Variants in DNAJC1 observed in about 807,000 individuals in gnomAD.
DNAJC1 encodes DnaJ heat shock protein family (Hsp40) member C1, also known as dnaJ homolog subfamily C member 1.
DNAJC1 carries 58 observed loss-of-function variants against 76.6 expected under a neutral mutation model. The observed-to-expected ratio is 0.76, with a 90% CI of 0.61 to 0.94. The LOEUF (loss-of-function observed/expected upper bound fraction) is 0.94, where lower values mean the gene tolerates loss of function less well. DNAJC1 is among the 40% of genes least tolerant of loss of function. The pLI is 0.00. For synonymous variants in DNAJC1, 258 were observed against 267.9 expected (o/e 0.96, Z 0.36); for missense variants, 689 against 677.3 (o/e 1.02, Z -0.19).
At chr10:21,943,936 A>C (rs1038190400) in intron 1 of DNAJC1, among the ~76,000 whole-genome samples, 8 of 152,052 alleles carry the variant, frequency 5.3e-5, no homozygotes, top group Admixed American at 5.2e-4. Context: ...ATAGGCACCC[A>C]TATCTGTAAA....
intron 8 of DNAJC1, among the ~76,000 whole-genome samples, chr10:21,868,827 T>G (rs1343549974): frequency 1.3e-5 from 2 of 151,330 alleles, no homozygotes; most frequent in Admixed American, 1.3e-4. Context: ...GGAAGTTAGA[T>G]ATGCCTCATT....
intron 7 of DNAJC1, among the ~76,000 whole-genome samples, chr10:21,886,165 C>A (rs779744378): frequency 2.1e-4 from 32 of 152,066 alleles, no homozygotes; most frequent in Non-Finnish European, 8.8e-5. Context: ...ACTGACCCCA[C>A]AGAAGTAAAA....
chr10:21,950,196 T>C (rs906501815), intron 1 of DNAJC1, among the ~76,000 whole-genome samples: 4 of 152,164 alleles, frequency 2.6e-5, no homozygotes, highest in African/African-American at 9.7e-5. Context: ...ATCAAGTGTA[T>C]GGGTGCCATT....
intron 1 of DNAJC1, among the ~76,000 whole-genome samples, chr10:21,989,710 C>T (rs561108865): frequency 1.3e-5 from 2 of 152,284 alleles, no homozygotes; most frequent in South Asian, 4.1e-4. Flanking sequence ...CCCCACAGTC[C>T]AGACCAGGCC....
At chr10:21,918,955 G>T (rs1836997398) in intron 5 of DNAJC1, 83 bp from the exon 6 acceptor site, 1 of 928,638 alleles carries the variant, frequency 1.1e-6, no homozygotes, top group Non-Finnish European at 1.7e-6. Flanking sequence ...ATTCTATAAA[G>T]ATCATGAATT....
chr10:21,987,061 C>G (rs1341367983), intron 1 of DNAJC1, among the ~76,000 whole-genome samples: 1 of 152,198 alleles, frequency 6.6e-6, no homozygotes, highest in Admixed American at 6.5e-5. Flanking sequence ...CCACCACGCC[C>G]AGCCCAATGT....
At chr10:21,913,719 G>A (rs1836905538) in intron 6 of DNAJC1, among the ~76,000 whole-genome samples, 1 of 152,140 alleles carries the variant, frequency 6.6e-6, no homozygotes, top group African/African-American at 2.4e-5. Context: ...GATTCCAAGA[G>A]AATGTGTACT....
At chr10:21,807,578 T>C (rs533893349) in intron 8 of DNAJC1, among the ~76,000 whole-genome samples, 1 of 152,352 alleles carries the variant, frequency 6.6e-6, no homozygotes, top group Admixed American at 6.5e-5. Context: ...TTATTCACTT[T>C]GTTCTGCTAT....
chr10:21,925,907 T>TA (rs989681082), intron 3 of DNAJC1, among the ~76,000 whole-genome samples: 16 of 152,214 alleles, frequency 1.1e-4, no homozygotes, highest in African/African-American at 3.6e-4. Flanking sequence ...ACTGTACACT[T>TA]AAAACAGGTG....
chr10:21,956,163 A>G (rs989398553), intron 1 of DNAJC1, among the ~76,000 whole-genome samples: 1 of 152,164 alleles, frequency 6.6e-6, no homozygotes, highest in African/African-American at 2.4e-5. Flanking sequence ...ATGGCAGAAC[A>G]CAGAGGGCAA....
intron 1 of DNAJC1, among the ~76,000 whole-genome samples, chr10:21,931,823 T>C (rs553162356): frequency 3.4e-4 from 52 of 152,306 alleles, no homozygotes; most frequent in Admixed American, 1.4e-3. Context: ...TCTCTCCAGC[T>C]TGGAGTGAAA....
chr10:21,816,254 G>T (rs543312278), intron 8 of DNAJC1, among the ~76,000 whole-genome samples: 1 of 151,804 alleles, frequency 6.6e-6, no homozygotes, highest in South Asian at 2.1e-4. Flanking sequence ...CAGCTACTTG[G>T]GTGACTGAGG....
intron 7 of DNAJC1, among the ~76,000 whole-genome samples, chr10:21,891,285 TAA>T (rs1435455720): frequency 6.6e-6 from 1 of 151,576 alleles, no homozygotes; most frequent in Non-Finnish European, 1.5e-5. Flanking sequence ...TTGAAACAAA[TAA>T]AAAGTTTCAG....
chr10:21,846,299 A>G (rs1835658349), intron 8 of DNAJC1, among the ~76,000 whole-genome samples: 1 of 152,214 alleles, frequency 6.6e-6, no homozygotes. Flanking sequence ...CTGAAGGTAG[A>G]TACCTGCTAC....
chr10:21,879,214 A>G (rs1267876014), intron 8 of DNAJC1, among the ~76,000 whole-genome samples: 2 of 152,228 alleles, frequency 1.3e-5, no homozygotes, highest in Non-Finnish European at 2.9e-5. Context: ...ACTGAGCTGC[A>G]TATCTATACA....
chr10:21,920,834 A>G lies in DNAJC1; in HGVS notation c.501T>C (p.Tyr167=), dbSNP rs577868537. Residue 167 remains tyrosine (Y), a synonymous_variant, in exon 4 of 12, where the codon TAT becomes TAC. Coordinates refer to ENST00000376980, the MANE Select transcript of DNAJC1 (RefSeq NM_022365.4). ...LLFIILTVGH[Y]AVVWSIYLEK... ...CCAGGTAGATTGACCAAACCACAGC[A>G]TAATGACCCACTGTGAGAATAATGA... The G allele has an allele frequency of 5.0e-6, 8 of 1,613,090 alleles. No homozygotes were observed. In the East Asian group the frequency reaches 1.6e-4, roughly 31 times the overall value.
At chr10:21,952,189 G>C (rs1418222547) in intron 1 of DNAJC1, among the ~76,000 whole-genome samples, 2 of 152,150 alleles carry the variant, frequency 1.3e-5, no homozygotes, top group African/African-American at 4.8e-5. Flanking sequence ...ATTCATTCAT[G>C]AAACTGAAAA....
intron 1 of DNAJC1, among the ~76,000 whole-genome samples, chr10:21,999,934 T>G (rs1303414947): frequency 6.6e-6 from 1 of 152,188 alleles, no homozygotes; most frequent in Non-Finnish European, 1.5e-5. Context: ...ACTCTACACC[T>G]GAATAACCAA....
chr10:21,944,475 A>G (rs1486141834), intron 1 of DNAJC1, among the ~76,000 whole-genome samples: 1 of 152,116 alleles, frequency 6.6e-6, no homozygotes, highest in Admixed American at 6.6e-5. Context: ...TTCCATTTAT[A>G]TATTGTTTTA....
Sources: allele counts gnomAD v4.1 joint callset (sites outside exome capture counted in the v4.1 genomes callset), GRCh38; gene constraint gnomAD v4.1.1; transcripts MANE v1.5; gene names NCBI Gene and HGNC (gene_info 2026-07-23, HGNC 2026-07-21).